Variants in TADA2B observed in about 807,000 individuals in gnomAD.
The protein encoded by TADA2B is transcriptional adaptor 2B.
Under a neutral mutation model 34.5 loss-of-function variants are expected in TADA2B, and 13 were observed. The ratio of observed to expected loss-of-function variants is 0.38; its 90% CI spans 0.25 to 0.60. The LOEUF (loss-of-function observed/expected upper bound fraction) is 0.60. TADA2B is among the 20% of genes least tolerant of loss of function. TADA2B has a pLI of 0.65. For missense variants in TADA2B, 442 were observed against 575.0 expected, an observed-to-expected ratio of 0.77 and a Z score of 2.37; for synonymous variants, 240 against 243.4, an observed-to-expected ratio of 0.99 and a Z score of 0.13.
rs1438857771 is a variant in TADA2B, at chr4:7,054,080, G to A, written c.289G>A (p.Val97Ile). The A allele has an allele frequency of 3.8e-6, 6 of 1,585,004 alleles. No homozygotes were observed. Among genetic ancestry groups the A allele is most frequent in the Admixed American group, 1.7e-5 (1 of 57,428 alleles). ...FGNWEDMAAH[V>I]GASRTPQEVM... is the part of the protein sequence containing the mutation. ...ATCGTAGGAAGATATGGCTGCCCAC[G>A]TTGGTGCTTCCCGGACTCCCCAAGA... Residue 97 changes from valine (V) to isoleucine (I), a missense_variant, in exon 2 of 2, where the codon GTT (valine) becomes ATT (isoleucine). By Grantham distance (29) the Val-to-Ile change is conservative. Around this residue, in one of 4 missense-constraint regions of TADA2B, gnomAD observed 102 missense variants for 177.2 expected, o/e 0.58. Coordinates refer to ENST00000310074, the MANE Select transcript of TADA2B (RefSeq NM_152293.3).
chr4:7,048,136 C>T (rs1002181663), intron 1 of TADA2B, among the ~76,000 whole-genome samples: 3 of 152,176 alleles, frequency 2.0e-5, no homozygotes, highest in African/African-American at 7.2e-5. Context: ...CCTCTGAGGC[C>T]GAGGTCTGGA....
At chr4:7,044,913 C>T (rs1723589190) in intron 1 of TADA2B, 1 of 152,280 alleles carries the variant, frequency 6.6e-6, no homozygotes, top group East Asian at 1.9e-4. Flanking sequence ...CATACTCATT[C>T]TGAAGCCCTG....
At position 7,054,724 on chromosome 4, in the gene TADA2B, G is replaced by A. The variant is rs774530772; in HGVS notation, c.933G>A (p.Ala311=). The change falls in exon 2 of 2, where the codon GCG becomes GCA. Residue 311 remains alanine, a synonymous_variant. Transcript: ENST00000310074. ...KMEESAEYEA[A]RHKREKRKEN... ...AAGAGTCGGCAGAGTACGAGGCAGC[G>A]CGGCATAAACGGGAGAAGAGGAAGG... 50 of 1,613,952 alleles carry A rather than the reference G, an allele frequency of 3.1e-5. No homozygotes were observed. In the South Asian group the frequency reaches 4.4e-4, roughly 14 times the overall value.
chr4:7,054,055 A>T lies in TADA2B; in HGVS notation c.271-7A>T. ...GTGGAACTAACTTCTGCCCTTTGTCATCGTAGGAAGATATGGCTGCCCACG... is the reference window on the plus strand; with the variant it reads ...GTGGAACTAACTTCTGCCCTTTGTCTTCGTAGGAAGATATGGCTGCCCACG... On this transcript the variant is annotated splice_region_variant and splice_polypyrimidine_tract_variant and intron_variant, in intron 1 of 1. Transcript: ENST00000310074. 1 of 1,560,432 alleles carries T rather than the reference A, an allele frequency of 6.4e-7. No individual in the cohort carries two copies. The highest frequency in any genetic ancestry group is 8.7e-7 in the Non-Finnish European group (1 of 1,149,024).
Position 7,055,022 on chromosome 4 carries a change from G to A in TADA2B, c.1231G>A (p.Glu411Lys), listed in dbSNP as rs779757113. The A allele has an allele frequency of 6.2e-7, 1 of 1,611,802 alleles. No homozygotes were observed. Among genetic ancestry groups the A allele is most frequent in the South Asian group, 1.1e-5 (1 of 90,868 alleles). The part of the protein sequence containing the change: ...LKKRILNFLT[E>K]SGWISRDAS ...GAAAAGGATTTTGAATTTCCTCACA[G>A]AAAGCGGCTGGATCTCCAGGGACGC... Residue 411 changes from glutamate (E) to lysine (K), a missense_variant, in exon 2 of 2, where the codon GAA becomes AAA. Physicochemically the swap from Glu to Lys is moderately conservative, Grantham distance 56. This residue lies in a region of TADA2B where 114 missense variants were observed against 144.7 expected (regional missense o/e 0.79). Transcript: ENST00000310074.
chr4:7,048,148 A>G (rs1005653255), intron 1 of TADA2B, among the ~76,000 whole-genome samples: 1 of 152,162 alleles, frequency 6.6e-6, no homozygotes, highest in South Asian at 2.1e-4. Context: ...AGGTCTGGAA[A>G]TTTGGATGGA....
rs1172130319 is a variant in TADA2B at position 7,043,473 on chromosome 4, G to C, written c.-107G>C. Reference sequence around the variant, plus strand: ...GCGGCAGCCGCGGCGGCGGGCGGCGGTTGCTCGTGCGCGGCGGCGGCGGCG... The same window carrying C: ...GCGGCAGCCGCGGCGGCGGGCGGCGCTTGCTCGTGCGCGGCGGCGGCGGCG... On this transcript the variant is annotated 5_prime_UTR_variant, in exon 1 of 2. Transcript: ENST00000310074. The C allele has an allele frequency of 3.3e-6, 2 of 608,428 alleles. No individual in the cohort carries two copies. Among genetic ancestry groups the C allele is most frequent in the African/African-American group, 4.1e-5 (2 of 48,776 alleles). The allele number at this position is 608,428 out of a possible 1,614,324, so 37.7% of individuals were successfully genotyped here.
intron 1 of TADA2B, among the ~76,000 whole-genome samples, chr4:7,048,314 G>A (rs1224732439): frequency 6.6e-6 from 1 of 152,072 alleles, no homozygotes; most frequent in Non-Finnish European, 1.5e-5. Context: ...TGGGAGAGTG[G>A]CTGGGAGGGG....
At chr4:7,047,131 T>TA (rs1723649876) in intron 1 of TADA2B, among the ~76,000 whole-genome samples, 1 of 152,002 alleles carries the variant, frequency 6.6e-6, no homozygotes, top group Non-Finnish European at 1.5e-5. Context: ...TTCCAAGAGT[T>TA]AGAGGATGCA....
chr4:7,055,383 T>G lies in TADA2B; in HGVS notation c.*329T>G. 4.9e-6 allele frequency: 1 copy of G among 204,572 alleles called. No homozygotes were observed. 12.7% of individuals were successfully genotyped at this position (204,572 alleles called of 1,614,324 possible). ...GTTCTTCTCTTTGGTACAAAAGCTA[T>G]TGTGGGTGACAGGAGCAGTGTTTTC... On this transcript the variant is annotated 3_prime_UTR_variant, in exon 2 of 2. Coordinates refer to ENST00000310074, the MANE Select transcript of TADA2B (RefSeq NM_152293.3).
At chr4:7,044,308 C>G (rs946096090) in intron 1 of TADA2B, among the ~76,000 whole-genome samples, 3 of 152,224 alleles carry the variant, frequency 2.0e-5, no homozygotes, top group South Asian at 4.1e-4. Context: ...CGTTTGCTTT[C>G]TGTCACTGTA....
chr4:7,054,685 G>A lies in TADA2B; in HGVS notation c.894G>A (p.Gly298=). The A allele has an allele frequency of 6.2e-7, 1 of 1,613,980 alleles. No homozygotes were observed. The highest frequency in any genetic ancestry group is 1.6e-4 in the Middle Eastern group (1 of 6,062). The change falls in exon 2 of 2, where the codon GGG becomes GGA. Residue 298 remains glycine, a synonymous_variant. Transcript: ENST00000310074. ...IRELQRYRRN[G]ITKMEESAEY... Reference sequence around the variant, plus strand: ...AACTGCAGCGGTACCGGCGAAACGGGATCACCAAGATGGAAGAGTCGGCAG... The same window carrying A: ...AACTGCAGCGGTACCGGCGAAACGGAATCACCAAGATGGAAGAGTCGGCAG...
chr4:7,050,688 C>T (rs147915702), intron 1 of TADA2B, among the ~76,000 whole-genome samples: 63 of 152,334 alleles, frequency 4.1e-4, no homozygotes, highest in Non-Finnish European at 6.6e-4. Flanking sequence ...ACGCCGGGCG[C>T]AAAGGCCTGC....
At chr4:7,049,991 CTGGAGCCCATGCGGCATGGAGGTGCGACT>C (rs969318755) in intron 1 of TADA2B, among the ~76,000 whole-genome samples, 1 of 152,248 alleles carries the variant, frequency 6.6e-6, no homozygotes, top group Non-Finnish European at 1.5e-5. Context: ...CCTAGTCAGC[CTGGAGCCCATGCGGCATGGAGGTGCGACT>C]TGGAGCTCCT....
chr4:7,055,053 G>A lies in TADA2B; in HGVS notation c.1262G>A (p.Ter421=), dbSNP rs1723857914. The change falls in exon 2 of 2, where the codon TGA becomes TAA. Residue 421 remains the stop codon, a stop_retained_variant. Transcript: ENST00000310074. ...ESGWISRDAS[*] ...GGCTGGATCTCCAGGGACGCGTCTT[G>A]AAGCTGAGACGCTTTGAAAGCCAGG... 6.2e-7 allele frequency: 1 copy of A among 1,605,752 alleles called. No homozygotes were observed. The highest frequency in any genetic ancestry group is 2.2e-5 in the East Asian group (1 of 44,806).
At chr4:7,052,519 G>T (rs1163344884) in intron 1 of TADA2B, among the ~76,000 whole-genome samples, 2 of 152,242 alleles carry the variant, frequency 1.3e-5, no homozygotes, top group Non-Finnish European at 1.5e-5. Flanking sequence ...CGCGCTCGCT[G>T]TGTGGGGCCC....
intron 1 of TADA2B, 135 bp from the exon 2 acceptor site, chr4:7,053,927 C>A: frequency 1.0e-6 from 1 of 965,638 alleles, no homozygotes; most frequent in Non-Finnish European, 1.5e-6. Flanking sequence ...TGACTGAATG[C>A]CTTTGGGGAG....
intron 1 of TADA2B, among the ~76,000 whole-genome samples, chr4:7,044,396 A>G (rs1418428761): frequency 6.6e-6 from 1 of 152,054 alleles, no homozygotes; most frequent in African/African-American, 2.4e-5. Context: ...GGTCCCCACA[A>G]CCCACGACCT....
intron 1 of TADA2B, among the ~76,000 whole-genome samples, chr4:7,050,313 AC>A (rs1168486677): frequency 2.6e-5 from 4 of 152,214 alleles, no homozygotes; most frequent in African/African-American, 9.7e-5. Flanking sequence ...TGCAGGGGCC[AC>A]CAGTGTGCCC....
Sources: allele counts gnomAD v4.1 joint callset (sites outside exome capture counted in the v4.1 genomes callset), GRCh38; gene constraint gnomAD v4.1.1; regional missense constraint gnomAD v4.1.1; transcripts MANE v1.5; gene names NCBI Gene and HGNC (gene_info 2026-07-23, HGNC 2026-07-21).